Variants in CCDC73 observed in about 807,000 individuals in gnomAD.
The protein encoded by CCDC73 is coiled-coil domain-containing protein 73.
In CCDC73, 95 loss-of-function variants were observed where a neutral mutation model predicts 116.5. The ratio of observed to expected loss-of-function variants is 0.82; its 90% confidence interval spans 0.69 to 0.97. The LOEUF is 0.97. Among genes scored for constraint, CCDC73 ranks in the 50% least tolerant of loss-of-function variants. The probability of loss-of-function intolerance (pLI) is 0.00; values close to 1 mark genes in which losing one functional copy is unlikely to be tolerated. For missense variants in CCDC73, 1,066 were observed against 1,206.8 expected (o/e 0.88, Z 1.73); for synonymous variants, 398 against 401.3 (o/e 0.99, Z 0.10).
At chr11:32,812,317 C>T in the CCDC73 span, among the ~76,000 whole-genome samples, 22 of 152,200 alleles carry the variant, frequency 1.4e-4, no homozygotes, top group African/African-American at 4.6e-4. Flanking sequence ...GCCAGGAGTT[C>T]GAAATCAGCC....
intron 1 of CCDC73, among the ~76,000 whole-genome samples, chr11:32,793,668 T>C (rs1287827993): frequency 6.6e-6 from 1 of 152,082 alleles, no homozygotes; most frequent in Non-Finnish European, 1.5e-5. Flanking sequence ...TGGAGTGCAG[T>C]GGAGTGATCT....
upstream of CCDC73, among the ~76,000 whole-genome samples, chr11:32,798,204 G>A (rs546448712): frequency 1.2e-4 from 18 of 152,360 alleles, no homozygotes; most frequent in Admixed American, 5.2e-4. Flanking sequence ...CCAACCTGTA[G>A]TACCTACCTC....
the CCDC73 span, among the ~76,000 whole-genome samples, chr11:32,807,302 C>T: frequency 6.6e-6 from 1 of 152,292 alleles, no homozygotes; most frequent in East Asian, 1.9e-4. Flanking sequence ...TTGATCACGA[C>T]CCTCACTCTT....
At chr11:32,777,110 T>C (rs1850544533) in intron 1 of CCDC73, among the ~76,000 whole-genome samples, 1 of 142,596 alleles carries the variant, frequency 7.0e-6, no homozygotes, top group Non-Finnish European at 1.5e-5. Context: ...TTTTTTTTTT[T>C]TTTTTTGAGA....
chr11:32,736,526 G>A (rs1359145274), intron 2 of CCDC73, among the ~76,000 whole-genome samples: 1 of 152,178 alleles, frequency 6.6e-6, no homozygotes, highest in African/African-American at 2.4e-5. Context: ...TGCTGGAGAG[G>A]ACGTGGAGAA....
chr11:32,810,682 T>G, the CCDC73 span, among the ~76,000 whole-genome samples: 1 of 152,326 alleles, frequency 6.6e-6, no homozygotes, highest in African/African-American at 2.4e-5. Context: ...AGGATTCAAA[T>G]GGAAAGAAAT....
At chr11:32,660,197 T>C (rs1855909101) in intron 9 of CCDC73, among the ~76,000 whole-genome samples, 1 of 135,054 alleles carries the variant, frequency 7.4e-6, no homozygotes, top group East Asian at 2.2e-4. Context: ...TGACATTAAT[T>C]CACCCAGTCT....
intron 6 of CCDC73, among the ~76,000 whole-genome samples, chr11:32,695,171 C>T (rs950665981): frequency 3.3e-5 from 5 of 152,118 alleles, no homozygotes; most frequent in African/African-American, 9.7e-5. Flanking sequence ...GAGTTCAAGA[C>T]CAGCCTGGCC....
At chr11:32,670,536 A>T (rs932265359) in intron 9 of CCDC73, among the ~76,000 whole-genome samples, 7 of 152,050 alleles carry the variant, frequency 4.6e-5, no homozygotes, top group African/African-American at 1.7e-4. Context: ...AAAAAAAAAA[A>T]AATTATTGAT....
At chr11:32,742,328 A>G (rs1850195546) in intron 2 of CCDC73, among the ~76,000 whole-genome samples, 1 of 152,186 alleles carries the variant, frequency 6.6e-6, no homozygotes, top group Non-Finnish European at 1.5e-5. Context: ...CTGTTTTCTG[A>G]CTTTTTAATG....
In CCDC73 at chr11:32,736,583, C is replaced by T. The variant is rs569971695; in HGVS notation, c.136-18436G>A. 3.5e-3 allele frequency among the ~76,000 whole-genome samples: 539 copies of T among 152,124 alleles called. 6 individuals are homozygous for T. Among genetic ancestry groups the T allele is most frequent in the African/African-American group, 0.013 (520 of 41,510 alleles). ...TGGTGGGACGGTAAACTAGTTCAAC[C>T]ATTGTGGAAGTCAGTGTGGCGATTC... On this transcript the variant is annotated intron_variant, in intron 2 of 17. Coordinates refer to ENST00000335185, the MANE Select transcript of CCDC73 (RefSeq NM_001008391.4).
the CCDC73 span, among the ~76,000 whole-genome samples, chr11:32,809,868 C>G: frequency 4.6e-5 from 7 of 152,090 alleles, no homozygotes; most frequent in Admixed American, 1.3e-4. Context: ...GCTTACCATC[C>G]TGAATAACTT....
chr11:32,745,742 T>TG (rs201005361), intron 2 of CCDC73, among the ~76,000 whole-genome samples: 4 of 82,628 alleles, frequency 4.8e-5, no homozygotes, highest in Non-Finnish European at 7.3e-5. Flanking sequence ...TTTGTTTGTT[T>TG]TGGTTTTTTT....
intron 14 of CCDC73, among the ~76,000 whole-genome samples, chr11:32,619,371 C>A (rs1390346894): frequency 1.3e-5 from 2 of 152,132 alleles, no homozygotes; most frequent in East Asian, 1.9e-4. Context: ...TAGATGACAA[C>A]CAAAAATATA....
rs183881895 is a variant in CCDC73 at position 32,675,641 on chromosome 11, C to T, written c.569G>A (p.Arg190Gln). Residue 190 changes from arginine (R) to glutamine (Q), a missense_variant, in exon 9 of 18, where the codon CGG becomes CAG. Physicochemically the swap from Arg to Gln is conservative, Grantham distance 43. Transcript: ENST00000335185. Reference sequence around the variant, plus strand: ...TCTTTTGTTTGATTGTATTGCTTCCCGTACTGCAACATGAAAGACATTTAA... The same window carrying T: ...TCTTTTGTTTGATTGTATTGCTTCCTGTACTGCAACATGAAAGACATTTAA... The part of the protein sequence containing the change: ...ENHEKLEQNV[R>Q]EAIQSNKRLS... 4 of 1,582,316 alleles carry T rather than the reference C, an allele frequency of 2.5e-6. No homozygotes were observed. The highest frequency in any genetic ancestry group is 3.9e-5 in the Admixed American group (2 of 51,524).
intron 2 of CCDC73, chr11:32,758,340 AC>A: frequency 2.0e-6 from 1 of 505,278 alleles, no homozygotes; most frequent in Non-Finnish European, 3.9e-6. Flanking sequence ...GCTGTCCCAA[AC>A]CCCTGGTAAT....
intron 14 of CCDC73, among the ~76,000 whole-genome samples, chr11:32,626,926 T>C (rs1855579995): frequency 6.6e-6 from 1 of 152,230 alleles, no homozygotes; most frequent in African/African-American, 2.4e-5. Context: ...AAGGACTTCA[T>C]GTCTAAAACA....
chr11:32,619,246 A>G (rs1436867333), intron 14 of CCDC73, among the ~76,000 whole-genome samples: 1 of 149,524 alleles, frequency 6.7e-6, no homozygotes, highest in Admixed American at 6.7e-5. Flanking sequence ...TCCCAAGGCC[A>G]ATATCCAGAA....
intron 2 of CCDC73, among the ~76,000 whole-genome samples, chr11:32,752,723 G>T (rs998316958): frequency 1.3e-5 from 2 of 152,040 alleles, no homozygotes; most frequent in Non-Finnish European, 2.9e-5. Context: ...TCATTTTTCT[G>T]TTGGGTTGTT....
Sources: allele counts gnomAD v4.1 joint callset (sites outside exome capture counted in the v4.1 genomes callset), GRCh38; gene constraint gnomAD v4.1.1; transcripts MANE v1.5; gene names NCBI Gene and HGNC (gene_info 2026-07-23, HGNC 2026-07-21).